The following FAU variants were observed in gnomAD, a reference collection of about 807,000 sequenced individuals.
FAU encodes the protein FAU ubiquitin like and ribosomal protein S30 fusion, also known as ubiquitin-like FUBI-ribosomal protein eS30 fusion protein.
For missense variants in FAU, 125 were observed against 173.9 expected (o/e 0.72, Z 1.58); for synonymous variants, 70 against 69.9 (o/e 1.00, Z -0.01).
At chr11:65,121,876 G>A in intron 1 of FAU, 55 bp from the exon 2 acceptor site, 1 of 1,567,070 alleles carries the variant, frequency 6.4e-7, no homozygotes, top group Non-Finnish European at 8.8e-7. Flanking sequence ...CTGGGATAAA[G>A]GAGATTTGGG....
intron 3 of FAU, 41 bp from the exon 4 acceptor site, chr11:65,121,077 A>G: frequency 6.2e-7 from 1 of 1,605,276 alleles, no homozygotes; most frequent in Non-Finnish European, 8.5e-7. Context: ...AAGAGCAAGA[A>G]GGTGCCACCC....
Position 65,122,092 on chromosome 11 carries a change from G to A in FAU, c.-11C>T, listed in dbSNP as rs1241000428. ...TCCAGCCAAGGCCCCATTCTTACCT[G>A]AACGGCGGTCCCAGCTACCGCGAAG... On this transcript the variant is annotated splice_region_variant and 5_prime_UTR_variant, in exon 1 of 5. Transcript: ENST00000529639. 3 of 599,480 alleles carry A rather than the reference G, an allele frequency of 5.0e-6. No individual in the cohort carries two copies. In the East Asian group the frequency reaches 8.4e-5, roughly 17 times the overall value. 37.1% of individuals were successfully genotyped at this position (599,480 alleles called of 1,614,324 possible).
Position 65,121,783 on chromosome 11 carries a change from G to A in FAU, c.31C>T (p.His11Tyr), listed in dbSNP as rs753056348. The A allele has an allele frequency of 3.1e-6, 5 of 1,614,020 alleles. No homozygotes were observed. The Admixed American group carries it at 6.7e-5, about 22-fold the overall frequency. Residue 11 changes from histidine (H) to tyrosine (Y), a missense_variant, in exon 2 of 5, where the codon CAC becomes TAC. By Grantham distance (83) the His-to-Tyr change is moderately conservative (BLOSUM62 2). Transcript: ENST00000529639. ...TCCTGGCCGGTCACCTCGAAGGTGTGTAGCTCCTGGGCGCGGACAAAGAGC... is the reference window on the plus strand; with the variant it reads ...TCCTGGCCGGTCACCTCGAAGGTGTATAGCTCCTGGGCGCGGACAAAGAGC... MQLFVRAQEL[H>Y]TFEVTGQETV...
intron 3 of FAU, 78 bp from the exon 4 acceptor site, chr11:65,121,114 A>AG: frequency 2.1e-6 from 3 of 1,459,628 alleles, no homozygotes; most frequent in Non-Finnish European, 2.9e-6. Context: ...TCTCAATTCA[A>AG]GCCTTTAAAG....
chr11:65,121,053 A>G lies in FAU; in HGVS notation c.221-17T>C. On this transcript the variant is annotated splice_polypyrimidine_tract_variant and intron_variant, in intron 3 of 4. Coordinates refer to ENST00000529639, the MANE Select transcript of FAU (RefSeq NM_001997.5). Reference sequence around the variant, plus strand: ...GGACTTTACCTGTAGTGGGAAAGGAAGGCACCAGCAGGTAAGAGCAAGAAG... The same window carrying G: ...GGACTTTACCTGTAGTGGGAAAGGAGGGCACCAGCAGGTAAGAGCAAGAAG... 1 of 1,614,038 alleles carries G rather than the reference A, an allele frequency of 6.2e-7. No homozygotes were observed. The highest frequency in any genetic ancestry group is 8.5e-7 in the Non-Finnish European group (1 of 1,179,942).
At chr11:65,121,696 G>C in intron 2 of FAU, 43 bp downstream of exon 2, 4 of 1,613,878 alleles carry the variant, frequency 2.5e-6, no homozygotes, top group East Asian at 2.2e-5. Flanking sequence ...CGAGAGTGAA[G>C]AGCACAAGAA....
At position 65,120,631 on chromosome 11, in the gene FAU, G is replaced by T. The variant is rs3180030; in HGVS notation, c.*50C>A. ...GCAAGTAAAGATGAAACAATGCGAT[G>T]ACTGAACTAAGTGGCTTTTTTATTA... is the stretch of plus-strand genomic sequence containing the variant. On this transcript the variant is annotated 3_prime_UTR_variant, in exon 5 of 5. Coordinates refer to ENST00000529639, the MANE Select transcript of FAU (RefSeq NM_001997.5). 1.2e-6 allele frequency: 2 copies of T among 1,609,298 alleles called. No homozygotes were observed. The highest frequency in any genetic ancestry group is 2.2e-5 in the South Asian group (2 of 90,756).
At chr11:65,121,448 A>C (rs1451206746) in intron 3 of FAU, 52 bp downstream of exon 3, 3 of 1,590,740 alleles carry the variant, frequency 1.9e-6, no homozygotes, top group Middle Eastern at 1.8e-4. Context: ...TATGCACCCC[A>C]CACTCACTAG....
chr11:65,121,751 G>C lies in FAU; in HGVS notation c.63C>G (p.Val21=). Residue 21 remains valine, a synonymous_variant, in exon 2 of 5, where the codon GTC becomes GTG. Transcript: ENST00000529639. ...CAAGCAGCCTTACCTTGATCTGGGC[G>C]ACCGTTTCCTGGCCGGTCACCTCGA... The part of the protein sequence containing the change: ...HTFEVTGQET[V]AQIKAHVASL... 1.9e-6 allele frequency: 3 copies of C among 1,614,098 alleles called. No homozygotes were observed. The South Asian group carries it at 3.3e-5, about 18-fold the overall frequency.
At chr11:65,121,468 G>A (rs750640801) in intron 3 of FAU, 32 bp downstream of exon 3, 5 of 1,605,298 alleles carry the variant, frequency 3.1e-6, no homozygotes, top group East Asian at 2.2e-5. Context: ...GACGCTTACC[G>A]GTACTTCAAA....
chr11:65,121,415 G>C (rs1948045906), intron 3 of FAU, 85 bp downstream of exon 3: 5 of 1,495,130 alleles, frequency 3.3e-6, no homozygotes, highest in Admixed American at 4.0e-5. Context: ...ATTACCATAG[G>C]TGTGACACTC....
Position 65,120,800 on chromosome 11 carries a change from T to C in FAU, c.283A>G (p.Lys95Glu), listed in dbSNP as rs1223774781. ...GTCTTCTTCTTCTTCTTCTCCTGTT[T>C]GGCCACCTGGAGAAGGGAAGGTTAA... The part of the protein sequence containing the change: ...KVRGQTPKVA[K>E]QEKKKKKTGR... The change falls in exon 5 of 5, where the codon AAA becomes GAA. Residue 95 changes from lysine to glutamate, a missense_variant. By Grantham distance (56) the Lys-to-Glu change is moderately conservative (BLOSUM62 1). Transcript: ENST00000529639. 6.2e-7 allele frequency: 1 copy of C among 1,614,068 alleles called. No homozygotes were observed. Among genetic ancestry groups the C allele is most frequent in the South Asian group, 1.1e-5 (1 of 91,084 alleles).
At chr11:65,121,079 G>A (rs1226758844) in intron 3 of FAU, 43 bp from the exon 4 acceptor site, 5 of 1,602,968 alleles carry the variant, frequency 3.1e-6, no homozygotes, top group Middle Eastern at 1.7e-4. Flanking sequence ...GAGCAAGAAG[G>A]TGCCACCCAG....
At chr11:65,121,379 G>C (rs1301847803) in intron 3 of FAU, 121 bp downstream of exon 3, 7 of 1,325,350 alleles carry the variant, frequency 5.3e-6, no homozygotes, top group Non-Finnish European at 7.2e-6. Flanking sequence ...GAATCACTCT[G>C]AACTGAAGAC....
chr11:65,121,697 A>C (rs754642876), intron 2 of FAU, 42 bp downstream of exon 2: 1 of 1,613,886 alleles, frequency 6.2e-7, no homozygotes, highest in Non-Finnish European at 8.5e-7. Context: ...GAGAGTGAAG[A>C]GCACAAGAAA....
intron 1 of FAU, 63 bp downstream of exon 1, chr11:65,122,027 C>A (rs1049514333): frequency 2.0e-5 from 12 of 614,442 alleles, no homozygotes; most frequent in African/African-American, 1.1e-4. Context: ...TCCCCCCGCG[C>A]CTTCTGACCC....
At chr11:65,121,323 G>T in intron 3 of FAU, 177 bp downstream of exon 3, 1 of 867,684 alleles carries the variant, frequency 1.2e-6, no homozygotes, top group Non-Finnish European at 1.7e-6. Context: ...CTCTGGCTCA[G>T]TCTCCCATGG....
intron 3 of FAU, 118 bp downstream of exon 3, chr11:65,121,382 C>A (rs1213817640): frequency 2.2e-6 from 3 of 1,348,436 alleles, no homozygotes; most frequent in Non-Finnish European, 2.0e-6. Context: ...TCACTCTGAA[C>A]TGAAGACAGT....
intron 3 of FAU, 170 bp from the exon 4 acceptor site, chr11:65,121,206 A>C (rs1323065891): frequency 1.1e-5 from 9 of 812,640 alleles, no homozygotes; most frequent in African/African-American, 3.5e-5. Context: ...AGGATCTTCC[A>C]GCTTCTAATT....
Sources: gnomAD v4.1 joint callset for allele counts on GRCh38, gnomAD v4.1.1 for gene constraint, MANE v1.5 for transcripts, NCBI Gene and HGNC (gene_info 2026-07-23, HGNC 2026-07-21) for gene names.